ADGRB3: variants seen among roughly 807,000 people sequenced by gnomAD.
The protein encoded by ADGRB3 is adhesion G protein-coupled receptor B3.
In ADGRB3, 37 loss-of-function variants were observed where a neutral mutation model predicts 193.4. The observed-to-expected ratio is 0.19, with a 90% confidence interval of 0.15 to 0.25. The LOEUF is 0.25. Among genes scored for constraint, ADGRB3 ranks in the 10% least tolerant of loss-of-function variants. The pLI, the probability that ADGRB3 is intolerant of heterozygous loss-of-function variation, is 1.00. For synonymous variants in ADGRB3, 690 were observed against 644.2 expected, an observed-to-expected ratio of 1.07 and a Z score of -1.08; for missense variants, 1,637 against 1,852.9, an observed-to-expected ratio of 0.88 and a Z score of 2.14.
At chr6:69,071,936 G>T (rs1043594772) in intron 16 of ADGRB3, among the ~76,000 whole-genome samples, 28 of 151,988 alleles carry the variant, frequency 1.8e-4, no homozygotes, top group African/African-American at 6.8e-4. Context: ...AGATCTTGTA[G>T]CAGAGTCCCT....
intron 17 of ADGRB3, among the ~76,000 whole-genome samples, chr6:69,206,322 C>T (rs1363085170): frequency 3.3e-5 from 5 of 151,936 alleles, no homozygotes; most frequent in African/African-American, 1.2e-4. Context: ...TGTGCCCACC[C>T]AGATTAAGAG....
intron 20 of ADGRB3, among the ~76,000 whole-genome samples, chr6:69,317,075 T>A (rs1285115328): frequency 1.3e-5 from 2 of 151,616 alleles, no homozygotes; most frequent in Admixed American, 6.6e-5. Context: ...TAAATTTTTA[T>A]CTTGATTACA....
chr6:68,769,510 G>A (rs1427733708), intron 3 of ADGRB3, among the ~76,000 whole-genome samples: 1 of 152,090 alleles, frequency 6.6e-6, no homozygotes, highest in Non-Finnish European at 1.5e-5. Context: ...GACACAGGGA[G>A]GGGAACATTA....
At chr6:69,210,096 A>G (rs112390902) in intron 17 of ADGRB3, among the ~76,000 whole-genome samples, 12,636 of 136,256 alleles carry the variant, frequency 0.093, 623 homozygotes, top group Middle Eastern at 0.25. Context: ...CTAATTGAAT[A>G]TATGTATATA....
At chr6:69,138,884 C>T (rs564815257) in intron 17 of ADGRB3, among the ~76,000 whole-genome samples, 3 of 152,320 alleles carry the variant, frequency 2.0e-5, no homozygotes, top group East Asian at 3.9e-4. Flanking sequence ...TGCTTTATGC[C>T]TGTCAAAAGA....
At chr6:68,699,475 A>G (rs1478893547) in intron 3 of ADGRB3, among the ~76,000 whole-genome samples, 3 of 151,976 alleles carry the variant, frequency 2.0e-5, no homozygotes, top group Non-Finnish European at 4.4e-5. Flanking sequence ...ATTTTTTAAT[A>G]TTTTGAGACA....
At chr6:69,031,821 G>T (rs1770718815) in intron 13 of ADGRB3, among the ~76,000 whole-genome samples, 1 of 151,670 alleles carries the variant, frequency 6.6e-6, no homozygotes, top group East Asian at 1.9e-4. Context: ...TTTTGGTAGA[G>T]ACTGGGTTGC....
At chr6:69,068,943 A>G (rs1009145155) in intron 16 of ADGRB3, among the ~76,000 whole-genome samples, 1 of 151,788 alleles carries the variant, frequency 6.6e-6, no homozygotes, top group East Asian at 1.9e-4. Flanking sequence ...TTTTTTTTTC[A>G]TTCCATCTTA....
chr6:68,917,830 A>G (rs986455387), intron 3 of ADGRB3, among the ~76,000 whole-genome samples: 1 of 152,192 alleles, frequency 6.6e-6, no homozygotes, highest in African/African-American at 2.4e-5. Context: ...TGCAATTCAA[A>G]AGTTCTGAAT....
At chr6:68,915,351 C>G (rs997665914) in intron 3 of ADGRB3, among the ~76,000 whole-genome samples, 2 of 152,042 alleles carry the variant, frequency 1.3e-5, no homozygotes, top group Non-Finnish European at 2.9e-5. Flanking sequence ...AGCCACATGG[C>G]AGGATGGGCT....
At chr6:69,348,973 A>T (rs1254895817) in intron 26 of ADGRB3, among the ~76,000 whole-genome samples, 2 of 152,236 alleles carry the variant, frequency 1.3e-5, no homozygotes, top group Non-Finnish European at 2.9e-5. Context: ...ATAGAGTGGT[A>T]CATTGGAATG....
At chr6:68,938,267 G>C (rs1315525632) in intron 5 of ADGRB3, among the ~76,000 whole-genome samples, 1 of 151,880 alleles carries the variant, frequency 6.6e-6, no homozygotes, top group Admixed American at 6.6e-5. Flanking sequence ...GTGAAAGGGG[G>C]AAGATGAAAA....
intron 11 of ADGRB3, among the ~76,000 whole-genome samples, chr6:69,003,755 A>C (rs972233274): frequency 2.6e-5 from 4 of 152,216 alleles, no homozygotes; most frequent in Non-Finnish European, 5.9e-5. Context: ...ATATGAAGCA[A>C]TAGATCTTGC....
intron 17 of ADGRB3, 122 bp downstream of exon 17, chr6:69,076,160 A>AG (rs1007156827): frequency 3.2e-5 from 26 of 820,810 alleles, no homozygotes; most frequent in Non-Finnish European, 4.6e-5. Flanking sequence ...CAGAGAAAAA[A>AG]AAATCCTCTT....
At chr6:69,246,911 A>T (rs1304356426) in intron 20 of ADGRB3, among the ~76,000 whole-genome samples, 2 of 152,160 alleles carry the variant, frequency 1.3e-5, no homozygotes, top group African/African-American at 4.8e-5. Context: ...TGCTTTGAGA[A>T]TGTCAGGCCT....
At chr6:68,702,865 A>G (rs1362503757) in intron 3 of ADGRB3, among the ~76,000 whole-genome samples, 1 of 152,200 alleles carries the variant, frequency 6.6e-6, no homozygotes, top group Non-Finnish European at 1.5e-5. Context: ...TAAAATATGT[A>G]GGATTTGCTT....
intron 20 of ADGRB3, 131 bp from the exon 21 acceptor site, chr6:69,324,741 C>A: frequency 9.9e-7 from 1 of 1,007,682 alleles, no homozygotes; most frequent in Non-Finnish European, 1.4e-6. Flanking sequence ...TAAATAATTA[C>A]TCTTGTCACT....
At chr6:69,259,194 T>A (rs962161158) in intron 20 of ADGRB3, among the ~76,000 whole-genome samples, 1 of 152,054 alleles carries the variant, frequency 6.6e-6, no homozygotes, top group Non-Finnish European at 1.5e-5. Flanking sequence ...GTCAGTACGG[T>A]GTAAATTAAT....
chr6:68,972,987 A>T (rs926639758), intron 8 of ADGRB3, among the ~76,000 whole-genome samples: 1 of 152,204 alleles, frequency 6.6e-6, no homozygotes, highest in African/African-American at 2.4e-5. Flanking sequence ...CAGCTTATGA[A>T]AGTGGGGCTG....
Sources: gnomAD v4.1 joint callset for allele counts (sites outside exome capture counted in the v4.1 genomes callset) on GRCh38, gnomAD v4.1.1 for gene constraint, MANE v1.5 for transcripts, NCBI Gene and HGNC (gene_info 2026-07-23, HGNC 2026-07-21) for gene names.